TBC1D8: variants seen among roughly 807,000 people sequenced by gnomAD.
TBC1D8 encodes TBC1 domain family member 8, also known as BUB2-like protein 1.
TBC1D8 carries 65 observed loss-of-function variants against 118.8 expected under a neutral mutation model. The observed-to-expected ratio is 0.55, with a 90% CI of 0.45 to 0.67. The LOEUF (loss-of-function observed/expected upper bound fraction) is 0.67. Ranked by LOEUF, TBC1D8 falls within the 30% of genes least tolerant of loss-of-function variation. The pLI, the probability that TBC1D8 is intolerant of heterozygous loss-of-function variation, is 0.00. For missense variants in TBC1D8, 1,376 were observed against 1,471.2 expected (o/e 0.94, Z 1.06); for synonymous variants, 566 against 595.8 (o/e 0.95, Z 0.73).
At chr2:101,028,225 C>T (rs945429722) in intron 13 of TBC1D8, 78 bp downstream of exon 13, 13 of 1,595,880 alleles carry the variant, frequency 8.1e-6, no homozygotes, top group Admixed American at 1.7e-5. Context: ...CAGGAACCTC[C>T]TTCCACATCC....
intron 2 of TBC1D8, among the ~76,000 whole-genome samples, chr2:101,066,107 C>T (rs1288379138): frequency 6.6e-6 from 1 of 151,890 alleles, no homozygotes; most frequent in Admixed American, 6.6e-5. Flanking sequence ...TGGTGAAACC[C>T]GGTCGGTCTT....
chr2:101,048,967 T>G (rs943288010), intron 5 of TBC1D8, among the ~76,000 whole-genome samples: 1 of 152,174 alleles, frequency 6.6e-6, no homozygotes, highest in African/African-American at 2.4e-5. Context: ...TGAGTAATAT[T>G]CCATTGTGCA....
At position 101,038,505 on chromosome 2, in the gene TBC1D8, C is replaced by T. The variant is rs775843251; in HGVS notation, c.1231G>A (p.Ala411Thr). ...ALLARLKQVH[A>T]NHPVHYDTSA... ...GTGTCGTAGTGCACGGGGTGGTTGG[C>T]GTGGACCTGCTTCAACCTCGCAAGC... Residue 411 changes from alanine to threonine, a missense_variant, in exon 7 of 20, where the codon GCC becomes ACC. By Grantham distance (58) the Ala-to-Thr change is moderately conservative. Coordinates refer to ENST00000409318, the MANE Select transcript of TBC1D8 (RefSeq NM_001330348.2). The T allele has an allele frequency of 9.9e-6, 16 of 1,613,564 alleles. No homozygotes were observed. The highest frequency in any genetic ancestry group is 3.3e-5 in the Admixed American group (2 of 59,988).
intron 17 of TBC1D8, 102 bp from the exon 18 acceptor site, chr2:101,011,642 C>T (rs1679221362): frequency 8.1e-7 from 1 of 1,232,354 alleles, no homozygotes; most frequent in East Asian, 2.4e-5. Context: ...CCAGCAGCTC[C>T]CAGCCTGTGG....
intron 2 of TBC1D8, among the ~76,000 whole-genome samples, chr2:101,060,835 G>A (rs1330101664): frequency 6.6e-6 from 1 of 152,156 alleles, no homozygotes; most frequent in Non-Finnish European, 1.5e-5. Flanking sequence ...CAACAGAGCT[G>A]AATCATCTAG....
At chr2:101,028,491 G>C in intron 12 of TBC1D8, 59 bp from the exon 13 acceptor site, 2 of 1,507,272 alleles carry the variant, frequency 1.3e-6, no homozygotes, top group Non-Finnish European at 1.8e-6. Flanking sequence ...CACAACACGG[G>C]CTGCCTTCAC....
intron 1 of TBC1D8, among the ~76,000 whole-genome samples, chr2:101,111,618 G>C (rs1352037544): frequency 6.6e-6 from 1 of 152,190 alleles, no homozygotes; most frequent in East Asian, 1.9e-4. Flanking sequence ...GCTTTCTCAG[G>C]AAACCAAGAG....
chr2:101,027,410 G>A lies in TBC1D8; in HGVS notation c.2493C>T (p.Asp831=), dbSNP rs2105383287. The change falls in exon 15 of 20, where the codon GAC becomes GAT. Residue 831 remains aspartate (D), a synonymous_variant. Transcript: ENST00000409318. ...VIPEVSILPE[D]LEELYDLFKR... The stretch of plus-strand genomic sequence containing the variant: ...TGAATAAGTCGTAGAGCTCCTCTAG[G>A]TCTTCAGGAAGAATTGAGACTTCCG... The A allele has an allele frequency of 6.2e-7, 1 of 1,613,250 alleles. No individual in the cohort carries two copies.
chr2:101,135,734 A>T (rs558213537), intron 1 of TBC1D8, among the ~76,000 whole-genome samples: 1 of 152,232 alleles, frequency 6.6e-6, no homozygotes, highest in Non-Finnish European at 1.5e-5. Flanking sequence ...GGCCCTCCTG[A>T]TAACATGAGC....
intron 5 of TBC1D8, among the ~76,000 whole-genome samples, chr2:101,041,519 G>C (rs1681383351): frequency 6.6e-6 from 1 of 152,088 alleles, no homozygotes; most frequent in African/African-American, 2.4e-5. Flanking sequence ...ATTACTGATT[G>C]CTCAGGGCTT....
At chr2:101,019,285 A>C (rs1679880358) in intron 17 of TBC1D8, 2 of 397,340 alleles carry the variant, frequency 5.0e-6, no homozygotes, top group South Asian at 1.4e-4. Context: ...ACAAATTCAC[A>C]TTTGATGTAA....
intron 1 of TBC1D8, among the ~76,000 whole-genome samples, chr2:101,104,646 A>G (rs774548176): frequency 8.5e-5 from 13 of 152,252 alleles, no homozygotes; most frequent in Non-Finnish European, 1.6e-4. Flanking sequence ...GAACCCAGAC[A>G]CAGACCTTAC....
intron 1 of TBC1D8, among the ~76,000 whole-genome samples, chr2:101,120,506 C>A (rs748455465): frequency 2.6e-5 from 4 of 152,194 alleles, no homozygotes; most frequent in Non-Finnish European, 5.9e-5. Flanking sequence ...ATTATTTGCA[C>A]AACGAAGCAG....
chr2:101,083,755 G>A (rs1675414447), intron 2 of TBC1D8, among the ~76,000 whole-genome samples: 1 of 152,148 alleles, frequency 6.6e-6, no homozygotes, highest in African/African-American at 2.4e-5. Context: ...TTGTCCTGGG[G>A]CTGCCCAGGC....
At chr2:101,021,508 C>T (rs1680027363) in intron 17 of TBC1D8, among the ~76,000 whole-genome samples, 173 bp downstream of exon 17, 2 of 152,240 alleles carry the variant, frequency 1.3e-5, no homozygotes, top group South Asian at 4.1e-4. Context: ...GAGGTCCTGC[C>T]AGAGCTGTGC....
chr2:101,044,725 T>C (rs1681593664), intron 5 of TBC1D8, among the ~76,000 whole-genome samples: 1 of 152,098 alleles, frequency 6.6e-6, no homozygotes, highest in Non-Finnish European at 1.5e-5. Flanking sequence ...CAGCTAAGAC[T>C]AGTGGGAGAA....
At chr2:101,138,312 C>T (rs1678946073) in intron 1 of TBC1D8, among the ~76,000 whole-genome samples, 1 of 152,064 alleles carries the variant, frequency 6.6e-6, no homozygotes, top group Admixed American at 6.5e-5. Context: ...AAGAAAAAAA[C>T]ATTATCCTTT....
At chr2:101,143,530 T>C (rs1039725270) in intron 1 of TBC1D8, among the ~76,000 whole-genome samples, 3 of 152,174 alleles carry the variant, frequency 2.0e-5, no homozygotes, top group Admixed American at 2.0e-4. Context: ...TGGAATCATT[T>C]ACATCAAGGT....
intron 1 of TBC1D8, among the ~76,000 whole-genome samples, chr2:101,126,958 T>C (rs912029693): frequency 3.9e-5 from 6 of 152,212 alleles, no homozygotes; most frequent in African/African-American, 9.6e-5. Context: ...CAGATGTGGA[T>C]GGCCCCAGGT....
Sources: gnomAD v4.1 joint callset for allele counts (sites outside exome capture counted in the v4.1 genomes callset) on GRCh38, gnomAD v4.1.1 for gene constraint, MANE v1.5 for transcripts, NCBI Gene and HGNC (gene_info 2026-07-23, HGNC 2026-07-21) for gene names.